The following ATP4B variants were observed in gnomAD, a reference collection of about 807,000 sequenced individuals.
The protein encoded by ATP4B is potassium-transporting ATPase subunit beta.
A neutral mutation model predicts 35.3 loss-of-function variants in ATP4B; 27 were observed. The observed-to-expected ratio is 0.76, with a 90% confidence interval of 0.56 to 1.05. The LOEUF is 1.05. Among genes scored for constraint, ATP4B ranks in the 50% least tolerant of loss-of-function variants. The pLI, the probability that ATP4B is intolerant of heterozygous loss-of-function variation, is 0.00. For missense variants in ATP4B, 375 were observed against 384.8 expected (o/e 0.97, Z 0.21); for synonymous variants, 162 against 156.0 (o/e 1.04, Z -0.29).
rs1356463750 is a variant in ATP4B, at chr13:113,650,996, A to G, written c.613-489T>C. 1.3e-5 allele frequency among the ~76,000 whole-genome samples: 2 copies of G among 151,998 alleles called. No individual in the cohort carries two copies. Among genetic ancestry groups the G allele is most frequent in the African/African-American group, 2.4e-5 (1 of 41,390 alleles). On this transcript the variant is annotated intron_variant, in intron 5 of 6. Coordinates refer to ENST00000335288, the MANE Select transcript of ATP4B (RefSeq NM_000705.4). This position sits in a 1 kb window ranked among gnomAD's most constrained non-coding sequence, Gnocchi z 5.0. ...GGTGCTTTGGATCTGTTAGAATCTC[A>G]GGAGCCGCAGTGTGGCCCAAATAAA...
At position 113,650,009 on chromosome 13, in the gene ATP4B, G is replaced by A. The variant is rs1164005260; in HGVS notation, c.714+397C>T. Among the ~76,000 whole-genome samples, 1 of 151,950 alleles carries A rather than the reference G, an allele frequency of 6.6e-6. No individual in the cohort carries two copies. The highest frequency in any genetic ancestry group is 1.5e-5 in the Non-Finnish European group (1 of 67,964). On this transcript the variant is annotated intron_variant, in intron 6 of 6. Coordinates refer to ENST00000335288, the MANE Select transcript of ATP4B (RefSeq NM_000705.4). This position sits in a 1 kb window ranked among gnomAD's most constrained non-coding sequence, Gnocchi z 5.0. ...GAGACCCTTTCTCTATAAAAAATAC[G>A]AAAATTAGCTGGGCATGTTGGTGTG...
In ATP4B at chr13:113,650,783, G is replaced by A. The variant is rs1046138308; in HGVS notation, c.613-276C>T. Among the ~76,000 whole-genome samples, 5 of 152,164 alleles carry A rather than the reference G, an allele frequency of 3.3e-5. No homozygotes were observed. The highest frequency in any genetic ancestry group is 1.2e-4 in the African/African-American group (5 of 41,436). Reference sequence around the variant, plus strand: ...GGATGACGCAGGTGGGTGAAGCTGGGAGGCGGCTTGCTTGTCTGTACTCGA... The same window carrying A: ...GGATGACGCAGGTGGGTGAAGCTGGAAGGCGGCTTGCTTGTCTGTACTCGA... On this transcript the variant is annotated intron_variant, in intron 5 of 6. Transcript: ENST00000335288. This position sits in a 1 kb window ranked among gnomAD's most constrained non-coding sequence, Gnocchi z 5.0.
At chr13:113,651,478 T>C (rs58430260) in intron 5 of ATP4B, among the ~76,000 whole-genome samples, 193 bp downstream of exon 5, 10,775 of 152,214 alleles carry the variant, frequency 0.071, 1,247 homozygotes, top group African/African-American at 0.24. Flanking sequence ...AAAGCCCCAT[T>C]GTTTCCCTTG....
chr13:113,658,159 G>C lies in ATP4B; in HGVS notation c.-15C>G. The C allele has an allele frequency of 3.7e-6, 6 of 1,606,530 alleles. No individual in the cohort carries two copies. The highest frequency in any genetic ancestry group is 5.1e-6 in the Non-Finnish European group (6 of 1,176,552). ...AGAGCCGCCATCGTCCCTGGCCTGAGATCCTCCCGTCTGCTCCCTGCACCC... is the reference window on the plus strand; with the variant it reads ...AGAGCCGCCATCGTCCCTGGCCTGACATCCTCCCGTCTGCTCCCTGCACCC... On this transcript the variant is annotated 5_prime_UTR_variant, in exon 1 of 7. It adds an upstream start codon to the 5' untranslated region. Transcript: ENST00000335288.
intron 4 of ATP4B, 109 bp downstream of exon 4, chr13:113,652,764 C>G: frequency 7.6e-7 from 1 of 1,317,908 alleles, no homozygotes; most frequent in Non-Finnish European, 1.1e-6. Context: ...GTCCCTGTCC[C>G]GCTTGGGCAA....
At chr13:113,651,782 T>C in intron 4 of ATP4B, 55 bp from the exon 5 acceptor site, 2 of 1,589,768 alleles carry the variant, frequency 1.3e-6, no homozygotes, top group Non-Finnish European at 1.7e-6. Flanking sequence ...CCATGTGAGG[T>C]GCACGGCACC....
At position 113,654,875 on chromosome 13, in the gene ATP4B, A is replaced by G. The variant is rs768213358; in HGVS notation, c.180T>C (p.Tyr60=). Residue 60 remains tyrosine, a synonymous_variant, in exon 2 of 7, where the codon TAT becomes TAC. Transcript: ENST00000335288. ...ACGGGTCCACTGTCTGCATCAGCAC[A>G]TAGAGGCACAGGGCGAAGAGCCCAG... is the stretch of plus-strand genomic sequence containing the variant. ...VMTGLFALCL[Y]VLMQTVDPYT... is the part of the protein sequence containing the mutation. The G allele has an allele frequency of 2.5e-6, 4 of 1,614,252 alleles. No individual in the cohort carries two copies. Among genetic ancestry groups the G allele is most frequent in the South Asian group, 1.1e-5 (1 of 91,088 alleles).
At chr13:113,651,118 G>A (rs1019676610) in intron 5 of ATP4B, among the ~76,000 whole-genome samples, 3 of 152,050 alleles carry the variant, frequency 2.0e-5, no homozygotes, top group East Asian at 1.9e-4. Flanking sequence ...AAGGCTCCAC[G>A]CGGTAATGGA....
At chr13:113,654,469 C>G (rs971893386) in intron 2 of ATP4B, among the ~76,000 whole-genome samples, 1 of 152,328 alleles carries the variant, frequency 6.6e-6, no homozygotes, top group Non-Finnish European at 1.5e-5. Context: ...CATATCCAAG[C>G]ACAGGAAGTA....
At chr13:113,652,274 T>G (rs950635208) in intron 4 of ATP4B, among the ~76,000 whole-genome samples, 1 of 152,194 alleles carries the variant, frequency 6.6e-6, no homozygotes, top group African/African-American at 2.4e-5. Context: ...ATGCCGGCAG[T>G]GCTGAGACCC....
intron 5 of ATP4B, among the ~76,000 whole-genome samples, chr13:113,651,204 A>G (rs2049709440): frequency 6.6e-6 from 1 of 152,236 alleles, no homozygotes; most frequent in South Asian, 2.1e-4. Context: ...TAAAAAATTC[A>G]GTTTTAAAAA....
intron 4 of ATP4B, 38 bp from the exon 5 acceptor site, chr13:113,651,765 C>CCCACCG: frequency 6.2e-7 from 1 of 1,607,618 alleles, no homozygotes. Flanking sequence ...GCTCCCCACC[C>CCCACCG]CCACCGCCAT....
chr13:113,656,994 C>T (rs370559106), intron 1 of ATP4B, among the ~76,000 whole-genome samples: 15 of 152,312 alleles, frequency 9.8e-5, no homozygotes, highest in African/African-American at 3.6e-4. Context: ...TCTCTAGGAA[C>T]GGGGTATTTG....
At position 113,648,941 on chromosome 13, in the gene ATP4B, C is replaced by G. The variant is rs2049690856; in HGVS notation, c.*433G>C. ...AATTGCAATTTTAAAAGCAAGAATT[C>G]AGAATGTCATTAGTGTAAGCCGTGT... On this transcript the variant is annotated 3_prime_UTR_variant, in exon 7 of 7. Coordinates refer to ENST00000335288, the MANE Select transcript of ATP4B (RefSeq NM_000705.4). 6.6e-6 allele frequency: 1 copy of G among 152,522 alleles called. No individual in the cohort carries two copies. The highest frequency in any genetic ancestry group is 1.5e-5 in the Non-Finnish European group (1 of 68,498). 9.4% of individuals were successfully genotyped at this position (152,522 alleles called of 1,614,324 possible).
chr13:113,652,640 A>G (rs2049720849), intron 4 of ATP4B: 1 of 621,138 alleles, frequency 1.6e-6, no homozygotes, highest in Non-Finnish European at 2.9e-6. Flanking sequence ...ATGTTTCCAC[A>G]TGTTTTAGAG....
In ATP4B at chr13:113,658,029, G is replaced by A. The variant is rs373962771; in HGVS notation, c.112+4C>T. 59 of 1,595,072 alleles carry A rather than the reference G, an allele frequency of 3.7e-5. No individual in the cohort carries two copies. The highest frequency in any genetic ancestry group is 1.7e-4 in the Middle Eastern group (1 of 5,956). ...CACCCAGCCGGCCCGCCCCCCGCAC[G>A]TACCCCACCGGGACAGGGTGCGGCC... On this transcript the variant is annotated splice_donor_region_variant and intron_variant, in intron 1 of 6. Transcript: ENST00000335288.
intron 1 of ATP4B, among the ~76,000 whole-genome samples, chr13:113,656,520 G>A (rs1256557792): frequency 6.6e-6 from 1 of 152,200 alleles, no homozygotes; most frequent in Non-Finnish European, 1.5e-5. Context: ...GCCCCCGCTT[G>A]CACCACGGTG....
chr13:113,655,709 T>A (rs2049749686), intron 1 of ATP4B, among the ~76,000 whole-genome samples: 1 of 152,210 alleles, frequency 6.6e-6, no homozygotes, highest in Admixed American at 6.5e-5. Context: ...GGTTTTGTGT[T>A]TGCTACGGCT....
rs768364102 is a variant in ATP4B, at chr13:113,658,162, C to A, written c.-18G>T. ...GCCGCCATCGTCCCTGGCCTGAGATCCTCCCGTCTGCTCCCTGCACCCTCT... is the reference window on the plus strand; with the variant it reads ...GCCGCCATCGTCCCTGGCCTGAGATACTCCCGTCTGCTCCCTGCACCCTCT... On this transcript the variant is annotated 5_prime_UTR_variant, in exon 1 of 7. Transcript: ENST00000335288. 2 of 1,604,336 alleles carry A rather than the reference C, an allele frequency of 1.2e-6. No individual in the cohort carries two copies. The highest frequency in any genetic ancestry group is 8.5e-7 in the Non-Finnish European group (1 of 1,175,248).
Sources: gnomAD v4.1 joint callset for allele counts (sites outside exome capture counted in the v4.1 genomes callset) on GRCh38, gnomAD v4.1.1 for gene constraint, Gnocchi (gnomAD v3.1) non-coding constraint, MANE v1.5 for transcripts, NCBI Gene and HGNC (gene_info 2026-07-23, HGNC 2026-07-21) for gene names.